The following STAG1 variants were observed in gnomAD, a reference collection of about 807,000 sequenced individuals.
STAG1 encodes the protein cohesin subunit SA-1.
STAG1 carries 26 observed loss-of-function variants against 170.9 expected under a neutral mutation model. That is an observed-to-expected ratio of 0.15 (90% CI 0.11 to 0.21). The LOEUF (loss-of-function observed/expected upper bound fraction) is 0.21. STAG1 is among the 10% of genes least tolerant of loss of function. STAG1 has a pLI of 1.00. For synonymous variants in STAG1, 514 were observed against 497.7 expected, an observed-to-expected ratio of 1.03 and a Z score of -0.44; for missense variants, 964 against 1,509.5, an observed-to-expected ratio of 0.64 and a Z score of 5.99.
chr3:136,472,569 G>C lies in STAG1; in HGVS notation c.1126-77C>G, dbSNP rs570104853. The C allele has an allele frequency of 1.3e-5, 13 of 1,009,694 alleles. No individual in the cohort carries two copies. In the South Asian group the frequency reaches 1.5e-4, roughly 11 times the overall value. 62.5% of individuals were successfully genotyped at this position (1,009,694 alleles called of 1,614,324 possible). On this transcript the variant is annotated intron_variant, in intron 11 of 33. Coordinates refer to ENST00000383202, the MANE Select transcript of STAG1 (RefSeq NM_005862.3). ...GGACAGATCTAATATAATGTATTCT[G>C]GGATATATATGCAATACTAATGATA... is the stretch of plus-strand genomic sequence containing the variant.
intron 1 of STAG1, among the ~76,000 whole-genome samples, chr3:136,644,325 G>A (rs985997080): frequency 2.0e-5 from 3 of 152,180 alleles, no homozygotes; most frequent in Non-Finnish European, 4.4e-5. Context: ...GTTAAGTGAA[G>A]TATAAAAGTA....
At chr3:136,745,934 A>G (rs1361951528) in intron 1 of STAG1, among the ~76,000 whole-genome samples, 1 of 152,248 alleles carries the variant, frequency 6.6e-6, no homozygotes, top group Admixed American at 6.5e-5. Flanking sequence ...CCCATGGGCC[A>G]CAGGTTGGAC....
chr3:136,468,372 T>C (rs1053377980), intron 12 of STAG1, among the ~76,000 whole-genome samples: 2 of 152,046 alleles, frequency 1.3e-5, no homozygotes, highest in African/African-American at 2.4e-5. Context: ...GAGAATACTA[T>C]AAACACCTCT....
intron 6 of STAG1, among the ~76,000 whole-genome samples, chr3:136,530,497 G>A (rs1322988437): frequency 2.0e-5 from 3 of 152,066 alleles, no homozygotes; most frequent in Non-Finnish European, 4.4e-5. Flanking sequence ...ATTAGCACAT[G>A]GATAGACCAT....
intron 25 of STAG1, among the ~76,000 whole-genome samples, 170 bp from the exon 26 acceptor site, chr3:136,363,637 A>G (rs1053907838): frequency 1.3e-5 from 2 of 151,808 alleles, no homozygotes; most frequent in African/African-American, 2.4e-5. Flanking sequence ...CATCTTAAAC[A>G]TAACAGGAGT....
intron 1 of STAG1, among the ~76,000 whole-genome samples, chr3:136,696,496 ACAC>A (rs1942895540): frequency 6.6e-6 from 1 of 152,166 alleles, no homozygotes; most frequent in Non-Finnish European, 1.5e-5. Context: ...CATAGAATGT[ACAC>A]CACCAAGAGT....
chr3:136,583,285 T>G (rs1268623440), intron 4 of STAG1, among the ~76,000 whole-genome samples: 1 of 152,224 alleles, frequency 6.6e-6, no homozygotes, highest in Non-Finnish European at 1.5e-5. Context: ...TTTCTAGTTT[T>G]AAGTTAAATT....
chr3:136,568,891 T>C (rs1478022889), intron 4 of STAG1, 30 bp from the exon 5 acceptor site: 1 of 1,523,112 alleles, frequency 6.6e-7, no homozygotes, highest in East Asian at 2.3e-5. Flanking sequence ...AAATGAAAAC[T>C]TCAAAAAAAT....
At chr3:136,485,185 C>G (rs1039614084) in intron 9 of STAG1, among the ~76,000 whole-genome samples, 1 of 152,132 alleles carries the variant, frequency 6.6e-6, no homozygotes, top group Non-Finnish European at 1.5e-5. Flanking sequence ...TGGCCAGGCA[C>G]AGTGGCTCAC....
intron 12 of STAG1, among the ~76,000 whole-genome samples, chr3:136,470,248 C>G (rs1373947155): frequency 6.6e-6 from 1 of 152,130 alleles, no homozygotes; most frequent in African/African-American, 2.4e-5. Context: ...TGACAAAAGG[C>G]TAATATCCAG....
intron 1 of STAG1, among the ~76,000 whole-genome samples, chr3:136,734,119 AAAAACAAAAC>A (rs760499308): frequency 6.8e-6 from 1 of 148,000 alleles, no homozygotes; most frequent in South Asian, 2.1e-4. Flanking sequence ...AAAAAAAAAA[AAAAACAAAAC>A]AAAACAAAAA....
chr3:136,509,665 TA>T (rs912307617), intron 7 of STAG1, among the ~76,000 whole-genome samples: 1 of 151,956 alleles, frequency 6.6e-6, no homozygotes, highest in Non-Finnish European at 1.5e-5. Context: ...AAATCACAAT[TA>T]AAAAAACAGT....
intron 1 of STAG1, among the ~76,000 whole-genome samples, chr3:136,643,494 T>C (rs1296402674): frequency 6.6e-6 from 1 of 152,182 alleles, no homozygotes; most frequent in Non-Finnish European, 1.5e-5. Flanking sequence ...GGCAGGAGGC[T>C]GGAGTAGAAC....
At chr3:136,476,650 T>C (rs2089758035) in intron 10 of STAG1, among the ~76,000 whole-genome samples, 1 of 152,204 alleles carries the variant, frequency 6.6e-6, no homozygotes, top group African/African-American at 2.4e-5. Flanking sequence ...TAACTTATAA[T>C]GGGAATGAAA....
intron 21 of STAG1, among the ~76,000 whole-genome samples, chr3:136,413,157 C>T (rs1178443209): frequency 6.8e-6 from 1 of 147,814 alleles, no homozygotes. Context: ...AGCCACCTTG[C>T]CTGGCCTAAT....
chr3:136,633,429 G>GT, intron 1 of STAG1, among the ~76,000 whole-genome samples: 1 of 152,250 alleles, frequency 6.6e-6, no homozygotes, highest in South Asian at 2.1e-4. Context: ...GGCCAGACAT[G>GT]GTGGCTCACG....
intron 1 of STAG1, among the ~76,000 whole-genome samples, chr3:136,722,839 G>A (rs1184382218): frequency 6.6e-6 from 1 of 152,228 alleles, no homozygotes; most frequent in Admixed American, 6.5e-5. Flanking sequence ...TTGCAGGCGC[G>A]CGCCACCACG....
At chr3:136,626,772 C>G (rs914050351) in intron 2 of STAG1, among the ~76,000 whole-genome samples, 2 of 152,086 alleles carry the variant, frequency 1.3e-5, no homozygotes, top group African/African-American at 4.8e-5. Context: ...GCACAAAAAC[C>G]TTGTAAGAAG....
At position 136,422,759 on chromosome 3, in the gene STAG1, TATC is replaced by T; in HGVS notation, c.1833+6_1833+8del. 1 of 1,577,404 alleles carries T rather than the reference TATC, an allele frequency of 6.3e-7. No individual in the cohort carries two copies. The highest frequency in any genetic ancestry group is 1.2e-5 in the South Asian group (1 of 85,080). The stretch of plus-strand genomic sequence containing the variant: ...TAACAGCTGAATTTCAATTTCATAA[TATC>T]ATTACCTTTTCCATTCTACCTGTGC... On this transcript the variant is annotated splice_donor_region_variant and intron_variant, in intron 18 of 33. Transcript: ENST00000383202.
Sources: allele counts gnomAD v4.1 joint callset (sites outside exome capture counted in the v4.1 genomes callset), GRCh38; gene constraint gnomAD v4.1.1; transcripts MANE v1.5; gene names NCBI Gene and HGNC (gene_info 2026-07-23, HGNC 2026-07-21).